PSD3: variants seen among roughly 807,000 people sequenced by gnomAD.
PSD3 encodes PH and SEC7 domain-containing protein 3.
PSD3 carries 49 observed loss-of-function variants against 105.5 expected under a neutral mutation model. That is an observed-to-expected ratio of 0.46 (90% confidence interval 0.37 to 0.59). The LOEUF is 0.59. Ranked by LOEUF, PSD3 falls within the 20% of genes least tolerant of loss-of-function variation. PSD3 has a pLI of 0.00. For missense variants in PSD3, 1,561 were observed against 1,263.8 expected (o/e 1.24, Z -3.57); for synonymous variants, 557 against 457.8 (o/e 1.22, Z -2.77).
chr8:19,081,712 A>T (rs968642104), intron 1 of PSD3, among the ~76,000 whole-genome samples: 2 of 152,230 alleles, frequency 1.3e-5, no homozygotes, highest in African/African-American at 4.8e-5. Context: ...ACTTGGAAAG[A>T]TGCAAGCCAA....
intron 4 of PSD3, among the ~76,000 whole-genome samples, chr8:18,853,449 C>A (rs1167341744): frequency 6.6e-6 from 1 of 152,124 alleles, no homozygotes; most frequent in African/African-American, 2.4e-5. Flanking sequence ...TCTTTAGCAT[C>A]GTTGACCTCA....
intron 1 of PSD3, among the ~76,000 whole-genome samples, chr8:19,006,962 C>T (rs1037572477): frequency 3.3e-5 from 5 of 152,002 alleles, no homozygotes; most frequent in African/African-American, 1.2e-4. Flanking sequence ...AACAAAAAGT[C>T]AACTGCAGCC....
chr8:18,761,672 C>T (rs1292648978), intron 9 of PSD3, among the ~76,000 whole-genome samples: 1 of 152,150 alleles, frequency 6.6e-6, no homozygotes, highest in Admixed American at 6.5e-5. Context: ...CCTCTTTATT[C>T]ACGTCGTTAG....
At chr8:18,875,200 T>C (rs954489856) in intron 2 of PSD3, among the ~76,000 whole-genome samples, 1 of 152,204 alleles carries the variant, frequency 6.6e-6, no homozygotes, top group Non-Finnish European at 1.5e-5. Flanking sequence ...TGAGCCACCA[T>C]GCCTGGCCTG....
At chr8:18,626,144 G>A (rs1344274786) in intron 11 of PSD3, among the ~76,000 whole-genome samples, 2 of 151,826 alleles carry the variant, frequency 1.3e-5, no homozygotes, top group Non-Finnish European at 2.9e-5. Context: ...TCTCCTGGAG[G>A]CAGAATTTCT....
intron 4 of PSD3, among the ~76,000 whole-genome samples, chr8:18,824,805 G>C (rs117291457): frequency 2.0e-5 from 3 of 152,118 alleles, no homozygotes; most frequent in African/African-American, 4.8e-5. Context: ...TCCCTAGGCA[G>C]AGTATCAATA....
intron 1 of PSD3, among the ~76,000 whole-genome samples, chr8:19,047,388 T>A (rs1156383770): frequency 6.6e-6 from 1 of 152,138 alleles, no homozygotes. Context: ...TGCTCATTTA[T>A]TATAAAATAT....
intron 1 of PSD3, among the ~76,000 whole-genome samples, chr8:18,946,657 T>C (rs1822872129): frequency 6.6e-6 from 1 of 151,812 alleles, no homozygotes; most frequent in Admixed American, 6.6e-5. Flanking sequence ...CCTAGCATTT[T>C]GGGAGGCCGA....
intron 4 of PSD3, among the ~76,000 whole-genome samples, chr8:18,820,126 C>G (rs1812569794): frequency 6.7e-6 from 1 of 150,210 alleles, no homozygotes; most frequent in Non-Finnish European, 1.5e-5. Context: ...ATTAGAAACT[C>G]CAAGAGAAAG....
At chr8:18,946,853 T>C (rs13250140) in intron 1 of PSD3, among the ~76,000 whole-genome samples, 98,713 of 150,854 alleles carry the variant, frequency 0.65, 32,539 homozygotes, top group Non-Finnish European at 0.67. Flanking sequence ...TGCAGTGAGC[T>C]GAGATTGTGC....
intron 9 of PSD3, among the ~76,000 whole-genome samples, chr8:18,662,234 G>C (rs1490993630): frequency 5.3e-5 from 8 of 152,140 alleles, no homozygotes; most frequent in Non-Finnish European, 1.2e-4. Context: ...TAATTAATAT[G>C]TATAATTCAT....
intron 4 of PSD3, among the ~76,000 whole-genome samples, chr8:18,835,842 G>A (rs1342782338): frequency 6.6e-6 from 1 of 152,214 alleles, no homozygotes; most frequent in Non-Finnish European, 1.5e-5. Flanking sequence ...ACAAGAGTGG[G>A]AGGAGATGAG....
At chr8:18,603,723 A>T (rs1053991503) in intron 11 of PSD3, among the ~76,000 whole-genome samples, 1 of 152,174 alleles carries the variant, frequency 6.6e-6, no homozygotes, top group Admixed American at 6.5e-5. Flanking sequence ...ATGGTTTAGC[A>T]CCATCCGCTT....
At chr8:19,074,611 A>ATATATATATATTT (rs1324257417) in intron 1 of PSD3, among the ~76,000 whole-genome samples, 10 of 24,204 alleles carry the variant, frequency 4.1e-4, no homozygotes, top group South Asian at 1.5e-3. Context: ...ATATATATAT[A>ATATATATATATTT]TTTTTTTTTT....
intron 11 of PSD3, among the ~76,000 whole-genome samples, chr8:18,618,866 T>G (rs1356489385): frequency 6.6e-6 from 1 of 152,112 alleles, no homozygotes; most frequent in Non-Finnish European, 1.5e-5. Flanking sequence ...TCTTTTATTT[T>G]GTAGAGATGG....
At chr8:18,987,415 G>A (rs1015172853) in intron 1 of PSD3, among the ~76,000 whole-genome samples, 4 of 151,924 alleles carry the variant, frequency 2.6e-5, no homozygotes, top group Non-Finnish European at 1.5e-5. Flanking sequence ...AGCCTCCCAA[G>A]TAGCTGGAAC....
intron 4 of PSD3, among the ~76,000 whole-genome samples, chr8:18,822,459 C>G (rs971612991): frequency 1.3e-5 from 2 of 152,142 alleles, no homozygotes; most frequent in African/African-American, 4.8e-5. Context: ...CAAACATACT[C>G]TTAAGAGCAA....
In PSD3 at chr8:18,693,958, G is replaced by A. The variant is rs528297859; in HGVS notation, c.2173-38273C>T. Among the ~76,000 whole-genome samples, 4 of 152,304 alleles carry A rather than the reference G, an allele frequency of 2.6e-5. No individual in the cohort carries two copies. In the South Asian group the frequency reaches 6.2e-4, roughly 24 times the overall value. ...TGAAGCATTAGCATGGCATCTGATA[G>A]GTAAGTAGTGATGATGGGTAGTAAC... is the stretch of plus-strand genomic sequence containing the variant. On this transcript the variant is annotated intron_variant, in intron 9 of 15. Transcript: ENST00000327040.
chr8:19,039,548 T>C (rs1380831028), intron 1 of PSD3, among the ~76,000 whole-genome samples: 1 of 152,210 alleles, frequency 6.6e-6, no homozygotes, highest in African/African-American at 2.4e-5. Flanking sequence ...GCTTGCTATA[T>C]GACCTAGAGG....
Sources: gnomAD v4.1 joint callset for allele counts (sites outside exome capture counted in the v4.1 genomes callset) on GRCh38, gnomAD v4.1.1 for gene constraint, MANE v1.5 for transcripts, NCBI Gene and HGNC (gene_info 2026-07-23, HGNC 2026-07-21) for gene names.